RALGAPA1: variants seen among roughly 807,000 people sequenced by gnomAD.
The protein encoded by RALGAPA1 is ral GTPase-activating protein subunit alpha-1.
Under a neutral mutation model 269.6 loss-of-function variants are expected in RALGAPA1, and 52 were observed. The ratio of observed to expected loss-of-function variants is 0.19; its 90% confidence interval spans 0.15 to 0.24. RALGAPA1 has a LOEUF of 0.24. RALGAPA1 is among the 10% of genes least tolerant of loss of function. The pLI, the probability that RALGAPA1 is intolerant of heterozygous loss-of-function variation, is 1.00. For synonymous variants in RALGAPA1, 817 were observed against 1,008.3 expected, an observed-to-expected ratio of 0.81 and a Z score of 3.60; for missense variants, 1,917 against 3,013.9, an observed-to-expected ratio of 0.64 and a Z score of 8.52.
intron 1 of RALGAPA1, among the ~76,000 whole-genome samples, chr14:35,788,090 G>C (rs2075919607): frequency 6.6e-6 from 1 of 152,050 alleles, no homozygotes; most frequent in South Asian, 2.1e-4. Context: ...TCCTGCCTCA[G>C]CCTCCCGGGT....
chr14:35,709,835 AT>A (rs2068139583), intron 16 of RALGAPA1, among the ~76,000 whole-genome samples: 1 of 152,150 alleles, frequency 6.6e-6, no homozygotes, highest in African/African-American at 2.4e-5. Context: ...ATCTCCAAGT[AT>A]TTTAGAGTTT....
intron 37 of RALGAPA1, among the ~76,000 whole-genome samples, chr14:35,586,231 C>A (rs1393774092): frequency 6.6e-6 from 1 of 152,144 alleles, no homozygotes; most frequent in Non-Finnish European, 1.5e-5. Flanking sequence ...AATGGGAGTT[C>A]ACTTATGATT....
At chr14:35,742,331 A>T in intron 11 of RALGAPA1, 37 bp downstream of exon 11, 2 of 1,402,884 alleles carry the variant, frequency 1.4e-6, no homozygotes, top group Non-Finnish European at 2.0e-6. Context: ...TTAATCTATT[A>T]GACTAACACT....
At chr14:35,624,156 C>CAAAAAAAAAAAAAAAAAAAAA (rs377171729) in intron 35 of RALGAPA1, among the ~76,000 whole-genome samples, 6 of 21,834 alleles carry the variant, frequency 2.7e-4, no homozygotes, top group African/African-American at 6.7e-4. Context: ...TAATACAACG[C>CAAAAAAAAAAAAAAAAAAAAA]AAAAAAAAAA....
At chr14:35,724,415 T>G (rs560583174) in intron 14 of RALGAPA1, among the ~76,000 whole-genome samples, 1 of 152,252 alleles carries the variant, frequency 6.6e-6, no homozygotes, top group Admixed American at 6.5e-5. Context: ...TGTATCATCT[T>G]AAAAAAATTT....
intron 4 of RALGAPA1, among the ~76,000 whole-genome samples, chr14:35,764,019 T>G (rs1354418986): frequency 1.3e-5 from 2 of 152,154 alleles, no homozygotes; most frequent in Non-Finnish European, 2.9e-5. Flanking sequence ...CTAGTGACAC[T>G]GAACATCTTT....
chr14:35,644,171 T>C (rs1278072007), intron 31 of RALGAPA1, among the ~76,000 whole-genome samples: 1 of 152,192 alleles, frequency 6.6e-6, no homozygotes, highest in African/African-American at 2.4e-5. Context: ...ACACCTACTA[T>C]GTACCCAGAA....
At chr14:35,784,409 A>G (rs1466524713) in intron 1 of RALGAPA1, among the ~76,000 whole-genome samples, 2 of 152,220 alleles carry the variant, frequency 1.3e-5, no homozygotes, top group African/African-American at 2.4e-5. Flanking sequence ...TGAAACATGC[A>G]GAAGAGTCAA....
intron 13 of RALGAPA1, among the ~76,000 whole-genome samples, chr14:35,726,082 C>T (rs142340720): frequency 3.3e-5 from 5 of 152,262 alleles, no homozygotes; most frequent in Middle Eastern, 3.4e-3. Flanking sequence ...ACAGCCTCCT[C>T]CCCTCTGGTT....
chr14:35,791,244 G>A (rs972675839), intron 1 of RALGAPA1, among the ~76,000 whole-genome samples: 2 of 152,204 alleles, frequency 1.3e-5, no homozygotes, highest in Non-Finnish European at 2.9e-5. Flanking sequence ...CGGATACAAG[G>A]AGATCTGCAT....
intron 35 of RALGAPA1, among the ~76,000 whole-genome samples, chr14:35,617,570 A>T (rs1295173442): frequency 7.6e-6 from 1 of 131,020 alleles, no homozygotes; most frequent in East Asian, 2.2e-4. Context: ...GTGAGCCGTT[A>T]TCATGTCATT....
chr14:35,698,474 G>A (rs1053419912), intron 17 of RALGAPA1, among the ~76,000 whole-genome samples: 1 of 151,990 alleles, frequency 6.6e-6, no homozygotes, highest in Non-Finnish European at 1.5e-5. Context: ...AAATCTTTCT[G>A]ACAGTTTTTT....
intron 18 of RALGAPA1, 91 bp downstream of exon 18, chr14:35,688,368 C>A: frequency 6.9e-7 from 1 of 1,453,650 alleles, no homozygotes; most frequent in Non-Finnish European, 9.3e-7. Context: ...CATCCCAAAG[C>A]TTTTTGATTG....
Position 35,723,256 on chromosome 14 carries a change from T to A in RALGAPA1, c.1875A>T (p.Ile625=). The stretch of plus-strand genomic sequence containing the variant: ...TTAGGTTTGCTTTGATCCAGGCAAC[T>A]ATAAGGGTCTATAAAGACAAATATC... ...RLAGPLFQTL[I]VAWIKANLNV... The change falls in exon 15 of 42, where the codon ATA becomes ATT. Residue 625 remains isoleucine (I), a synonymous_variant. Transcript: ENST00000680220. The A allele has an allele frequency of 1.3e-6, 2 of 1,551,992 alleles. No individual in the cohort carries two copies. Among genetic ancestry groups the A allele is most frequent in the Non-Finnish European group, 1.8e-6 (2 of 1,129,896 alleles).
At chr14:35,596,619 G>T (rs2058946093) in intron 36 of RALGAPA1, among the ~76,000 whole-genome samples, 2 of 152,118 alleles carry the variant, frequency 1.3e-5, no homozygotes, top group South Asian at 4.1e-4. Flanking sequence ...AGTTACTAAT[G>T]GCTGAATACA....
At chr14:35,599,518 G>T (rs2059146667) in intron 36 of RALGAPA1, among the ~76,000 whole-genome samples, 1 of 152,150 alleles carries the variant, frequency 6.6e-6, no homozygotes, top group South Asian at 2.1e-4. Flanking sequence ...GGGGAGGTGG[G>T]AGGATTGCCT....
chr14:35,570,537 T>C (rs2057100994), intron 39 of RALGAPA1, 80 bp downstream of exon 39: 1 of 1,161,584 alleles, frequency 8.6e-7, no homozygotes, highest in Non-Finnish European at 1.2e-6. Context: ...AATAAAAGGC[T>C]TTAACAATAT....
rs542837298 is a variant in RALGAPA1, at chr14:35,609,215, A to G, written c.6930-3506T>C. 1.1e-4 allele frequency among the ~76,000 whole-genome samples: 17 copies of G among 151,710 alleles called. No homozygotes were observed. In the South Asian group the frequency reaches 3.5e-3, roughly 32 times the overall value. The stretch of plus-strand genomic sequence containing the variant: ...GCACTCCAGCCTAGGCGACAGAGCG[A>G]CACTCCGTCTCAAAAAAAAAAAACC... On this transcript the variant is annotated intron_variant, in intron 35 of 41. Transcript: ENST00000680220.
intron 1 of RALGAPA1, among the ~76,000 whole-genome samples, chr14:35,784,045 A>G (rs1197185744): frequency 6.6e-6 from 1 of 152,096 alleles, no homozygotes; most frequent in African/African-American, 2.4e-5. Context: ...TGGCCCAGCA[A>G]TTCCATTCCT....
Sources: gnomAD v4.1 joint callset for allele counts (sites outside exome capture counted in the v4.1 genomes callset) on GRCh38, gnomAD v4.1.1 for gene constraint, MANE v1.5 for transcripts, NCBI Gene and HGNC (gene_info 2026-07-23, HGNC 2026-07-21) for gene names.